Variants in PCDHGB7 observed in about 807,000 individuals in gnomAD.
PCDHGB7 encodes the protein protocadherin gamma subfamily B, 7, also known as protocadherin gamma-B7.
A neutral mutation model predicts 61.4 loss-of-function variants in PCDHGB7; 37 were observed. The ratio of observed to expected loss-of-function variants is 0.60; its 90% CI spans 0.46 to 0.79. The LOEUF is 0.79. PCDHGB7 is among the 30% of genes least tolerant of loss of function. The pLI is 0.00. For missense variants in PCDHGB7, 1,166 were observed against 1,202.5 expected (o/e 0.97, Z 0.45); for synonymous variants, 464 against 503.5 (o/e 0.92, Z 1.05).
At chr5:141,425,686 A>C (rs1026122573) in intron 1 of PCDHGB7, among the ~76,000 whole-genome samples, 4 of 152,252 alleles carry the variant, frequency 2.6e-5, no homozygotes, top group Non-Finnish European at 5.9e-5. Context: ...AATACTGCAT[A>C]TCATTTCATA....
At chr5:141,428,163 C>T (rs759273230) in intron 1 of PCDHGB7, 77 of 1,564,636 alleles carry the variant, frequency 4.9e-5, no homozygotes, top group Non-Finnish European at 6.3e-5. Flanking sequence ...CTGCTGGTTG[C>T]TGTGCGTGAC....
intron 1 of PCDHGB7, among the ~76,000 whole-genome samples, chr5:141,456,584 A>G (rs990911693): frequency 6.6e-6 from 1 of 152,212 alleles, no homozygotes; most frequent in Non-Finnish European, 1.5e-5. Flanking sequence ...TGAGCCTGTC[A>G]ATAATTTTGA....
chr5:141,478,409 G>A, intron 1 of PCDHGB7: 1 of 1,613,016 alleles, frequency 6.2e-7, no homozygotes, highest in South Asian at 1.1e-5. Flanking sequence ...TCTCACCACG[G>A]ACTCCCGCCG....
chr5:141,478,532 G>T, intron 1 of PCDHGB7: 1 of 1,607,858 alleles, frequency 6.2e-7, no homozygotes, highest in East Asian at 2.2e-5. Flanking sequence ...TGCAGAGAGC[G>T]CCCCTCCCGG....
At chr5:141,453,552 A>G (rs1005017830) in intron 1 of PCDHGB7, among the ~76,000 whole-genome samples, 2 of 152,188 alleles carry the variant, frequency 1.3e-5, no homozygotes, top group Non-Finnish European at 2.9e-5. Flanking sequence ...CACACTCTGT[A>G]GATAATCGAT....
Position 141,431,854 on chromosome 5 carries a change from A to G in PCDHGB7, c.2415+11580A>G. On this transcript the variant is annotated intron_variant, in intron 1 of 3. Coordinates refer to ENST00000398594, the MANE Select transcript of PCDHGB7 (RefSeq NM_018927.4). The surrounding 1 kb of genome is among the most constrained non-coding windows in gnomAD (Gnocchi z 4.8). Reference sequence around the variant, plus strand: ...CCGAAAACTCTCCCAGAGGGACATTAATTGCCCTTTTAAATGTAAATGACC... The same window carrying G: ...CCGAAAACTCTCCCAGAGGGACATTGATTGCCCTTTTAAATGTAAATGACC... The G allele has an allele frequency of 6.2e-7, 1 of 1,614,230 alleles. No individual in the cohort carries two copies. The highest frequency in any genetic ancestry group is 1.3e-5 in the African/African-American group (1 of 75,070).
At chr5:141,505,275 AGGTCTTGGGCATGGGGTAG>A (rs1251192617) in intron 2 of PCDHGB7, 99 bp from the exon 3 acceptor site, 87 of 1,525,470 alleles carry the variant, frequency 5.7e-5, no homozygotes, top group Non-Finnish European at 2.0e-5. Context: ...TGAGAGAAAC[AGGTCTTGGGCATGGGGTAG>A]GGTTAGGGTA....
intron 1 of PCDHGB7, among the ~76,000 whole-genome samples, chr5:141,494,447 G>C (rs1413012155): frequency 6.6e-6 from 1 of 152,118 alleles, no homozygotes. Context: ...GCCACTTTAG[G>C]GGGCTTTGTC....
In PCDHGB7 at chr5:141,491,893, G is replaced by A; in HGVS notation, c.2416-2914G>A. The stretch of plus-strand genomic sequence containing the variant: ...GGCCGATTAAGGGATGGGGCTCCGA[G>A]CACCGGGGGTGGTGGCGACTGTGGG... On this transcript the variant is annotated intron_variant, in intron 1 of 3. Transcript: ENST00000398594. This position sits in a 1 kb window ranked among gnomAD's most constrained non-coding sequence, Gnocchi z 6.9. 9 of 1,438,856 alleles carry A rather than the reference G, an allele frequency of 6.3e-6. No individual in the cohort carries two copies. Among genetic ancestry groups the A allele is most frequent in the Non-Finnish European group, 8.3e-6 (9 of 1,088,104 alleles). 89.1% of individuals were successfully genotyped at this position (1,438,856 alleles called of 1,614,324 possible). A position where few individuals can be genotyped will look rare whatever the true frequency, so the allele number is the denominator to read the frequency against.
intron 1 of PCDHGB7, among the ~76,000 whole-genome samples, chr5:141,425,689 A>C (rs887583603): frequency 6.6e-6 from 1 of 152,232 alleles, no homozygotes; most frequent in African/African-American, 2.4e-5. Flanking sequence ...ACTGCATATC[A>C]TTTCATAGTG....
chr5:141,477,708 G>T lies in PCDHGB7; in HGVS notation c.2416-17099G>T. ...GTGCCCCTAGACTATGAGGATCGGC[G>T]GGAATTTGAATTAACAGCTCATATC... On this transcript the variant is annotated intron_variant, in intron 1 of 3. Transcript: ENST00000398594. The surrounding 1 kb of genome is among the most constrained non-coding windows in gnomAD (Gnocchi z 4.9). 2 of 1,613,930 alleles carry T rather than the reference G, an allele frequency of 1.2e-6. No individual in the cohort carries two copies. Among genetic ancestry groups the T allele is most frequent in the Non-Finnish European group, 1.7e-6 (2 of 1,180,030 alleles).
intron 1 of PCDHGB7, among the ~76,000 whole-genome samples, chr5:141,434,285 T>G (rs1358981946): frequency 6.6e-6 from 1 of 152,232 alleles, no homozygotes; most frequent in Non-Finnish European, 1.5e-5. Context: ...GTATTCTCTG[T>G]TTTTCCTGTA....
intron 1 of PCDHGB7, among the ~76,000 whole-genome samples, chr5:141,465,219 C>A (rs1272266733): frequency 6.6e-6 from 1 of 152,004 alleles, no homozygotes; most frequent in Non-Finnish European, 1.5e-5. Context: ...TATTTTTCAA[C>A]ATGAGCTCCA....
At position 141,476,477 on chromosome 5, in the gene PCDHGB7, G is replaced by A; in HGVS notation, c.2416-18330G>A. 1.2e-6 allele frequency: 2 copies of A among 1,614,078 alleles called. No individual in the cohort carries two copies. Among genetic ancestry groups the A allele is most frequent in the South Asian group, 1.1e-5 (1 of 91,070 alleles). ...GGAGAACCCGCTGGAGCTGTTCAGC[G>A]TGGAAGTGGTGATCCAGGACATCAA... On this transcript the variant is annotated intron_variant, in intron 1 of 3. Transcript: ENST00000398594. This position sits in a 1 kb window ranked among gnomAD's most constrained non-coding sequence, Gnocchi z 7.6.
At chr5:141,446,642 A>T (rs939365233) in intron 1 of PCDHGB7, among the ~76,000 whole-genome samples, 2 of 151,970 alleles carry the variant, frequency 1.3e-5, no homozygotes, top group Admixed American at 1.3e-4. Flanking sequence ...ACGCCTGGCT[A>T]ATTTTTGTAT....
intron 1 of PCDHGB7, among the ~76,000 whole-genome samples, chr5:141,483,322 G>C (rs1325809962): frequency 1.3e-5 from 2 of 152,110 alleles, no homozygotes. Flanking sequence ...TGGGACTGGA[G>C]GCAAAGAGAT....
At position 141,485,129 on chromosome 5, in the gene PCDHGB7, T is replaced by G. The variant is rs761201450; in HGVS notation, c.2416-9678T>G. 2.1e-6 allele frequency: 3 copies of G among 1,462,964 alleles called. No individual in the cohort carries two copies. Among genetic ancestry groups the G allele is most frequent in the Non-Finnish European group, 2.8e-6 (3 of 1,053,766 alleles). 90.6% of individuals were successfully genotyped at this position (1,462,964 alleles called of 1,614,324 possible). A position where few individuals can be genotyped will look rare whatever the true frequency, so the allele number is the denominator to read the frequency against. On this transcript the variant is annotated intron_variant, in intron 1 of 3. Coordinates refer to ENST00000398594, the MANE Select transcript of PCDHGB7 (RefSeq NM_018927.4). The surrounding 1 kb of genome is among the most constrained non-coding windows in gnomAD (Gnocchi z 5.7). ...TGTGGCTGTTTGGGGCGGGTCGGCT[T>G]CATCCGCGTCTCAGGAGCAAGTAGA...
At position 141,471,056 on chromosome 5, in the gene PCDHGB7, T is replaced by C. The variant is rs1367189715; in HGVS notation, c.2416-23751T>C. On this transcript the variant is annotated intron_variant, in intron 1 of 3. Coordinates refer to ENST00000398594, the MANE Select transcript of PCDHGB7 (RefSeq NM_018927.4). ...ACAAGCCCAAGCCCTCTTTTTTTTT[T>C]TTTTTTTTTTGAGACAGGGTCTCCC... Among the ~76,000 whole-genome samples, 581 of 150,056 alleles carry C rather than the reference T, an allele frequency of 3.9e-3. 6 individuals are homozygous for C. Among genetic ancestry groups the C allele is most frequent in the Admixed American group, 0.011 (167 of 15,092 alleles).
chr5:141,461,639 C>T (rs1041604977), intron 1 of PCDHGB7, among the ~76,000 whole-genome samples: 12 of 152,088 alleles, frequency 7.9e-5, no homozygotes, highest in Non-Finnish European at 1.6e-4. Flanking sequence ...GCAATTTCTT[C>T]TTTGACCCAT....
Sources: gnomAD v4.1 joint callset for allele counts (sites outside exome capture counted in the v4.1 genomes callset) on GRCh38, gnomAD v4.1.1 for gene constraint, Gnocchi (gnomAD v3.1) non-coding constraint, MANE v1.5 for transcripts, NCBI Gene and HGNC (gene_info 2026-07-23, HGNC 2026-07-21) for gene names.